Variants in HAL observed in about 807,000 individuals in gnomAD.
HAL encodes the protein histidase.
Under a neutral mutation model 81.1 loss-of-function variants are expected in HAL, and 85 were observed. The observed-to-expected ratio is 1.05, with a 90% confidence interval of 0.88 to 1.25. HAL has a LOEUF of 1.25. HAL is among the 50% of genes most tolerant of loss of function. The probability of loss-of-function intolerance (pLI) is 0.00; values close to 1 mark genes in which losing one functional copy is unlikely to be tolerated. For synonymous variants in HAL, 301 were observed against 309.2 expected (o/e 0.97, Z 0.28); for missense variants, 798 against 836.6 (o/e 0.95, Z 0.57).
At position 95,993,371 on chromosome 12, in the gene HAL, T is replaced by C. The variant is rs370579693; in HGVS notation, c.589+80A>G. ...TTGAGAAACTAGCTTTTTGTGACTA[T>C]AACTGGATAACTCACACTGTGCTGT... On this transcript the variant is annotated intron_variant, in intron 8 of 20. Transcript: ENST00000261208. The C allele has an allele frequency of 1.7e-5, 16 of 925,842 alleles. No individual in the cohort carries two copies. The African/African-American group carries it at 2.4e-4, about 14-fold the overall frequency. 57.4% of individuals were successfully genotyped at this position (925,842 alleles called of 1,614,324 possible). A position where few individuals can be genotyped will look rare whatever the true frequency, so the allele number is the denominator to read the frequency against.
chr12:95,996,257 G>T lies in HAL; in HGVS notation c.-261C>A, dbSNP rs1211846267. ...CTGCTGCTGGCCCCCTTTCTTCAGG[G>T]TCCCCAATTTCTCTCTCTTCCCTCG... is the stretch of plus-strand genomic sequence containing the variant. On this transcript the variant is annotated 5_prime_UTR_variant, in exon 1 of 21. Coordinates refer to ENST00000261208, the MANE Select transcript of HAL (RefSeq NM_002108.4). 6.2e-6 allele frequency: 2 copies of T among 324,418 alleles called. No individual in the cohort carries two copies. The allele number at this position is 324,418 out of a possible 1,614,324, so 20.1% of individuals were successfully genotyped here. A position where few individuals can be genotyped will look rare whatever the true frequency, so the allele number is the denominator to read the frequency against.
In HAL at chr12:95,987,125, G is replaced by A. The variant is rs1339658854; in HGVS notation, c.993C>T (p.Asp331=). The A allele has an allele frequency of 1.9e-6, 3 of 1,613,508 alleles. No individual in the cohort carries two copies. Among genetic ancestry groups the A allele is most frequent in the Non-Finnish European group, 2.5e-6 (3 of 1,179,396 alleles). ...CCTCAAGGGTCAGGGCTGCCACAATGTCAGCCTGCCGTGCAATAGCACTGG... is the reference window on the plus strand; with the variant it reads ...CCTCAAGGGTCAGGGCTGCCACAATATCAGCCTGCCGTGCAATAGCACTGG... ...ERASAIARQA[D]IVAALTLEVL... Residue 331 remains aspartate (D), a synonymous_variant, in exon 12 of 21, where the codon GAC becomes GAT. Transcript: ENST00000261208.
intron 17 of HAL, among the ~76,000 whole-genome samples, chr12:95,979,139 A>G (rs960405424): frequency 3.3e-5 from 5 of 152,256 alleles, no homozygotes; most frequent in African/African-American, 1.2e-4. Flanking sequence ...CTCAATAGGC[A>G]GCTTGGGAAA....
At position 95,995,840 on chromosome 12, in the gene HAL, A is replaced by T; in HGVS notation, c.71T>A (p.Val24Glu). Residue 24 changes from valine (V) to glutamate (E), a missense_variant, in exon 2 of 21, where the codon GTG (valine) becomes GAG (glutamate). Coordinates refer to ENST00000261208, the MANE Select transcript of HAL (RefSeq NM_002108.4). The stretch of plus-strand genomic sequence containing the variant: ...CACGGCCTCCCGGCCCAGCCAGCCC[A>T]CAGTGAGCTGCGCGTCCTGGCAGGG... ...AVPCQDAQLTVGWLGREAVRR... is the reference protein window; with the variant it reads ...AVPCQDAQLTEGWLGREAVRR... 1 of 1,611,306 alleles carries T rather than the reference A, an allele frequency of 6.2e-7. No homozygotes were observed. Among genetic ancestry groups the T allele is most frequent in the South Asian group, 1.1e-5 (1 of 91,086 alleles).
chr12:95,992,821 G>T lies in HAL; in HGVS notation c.590-16C>A. The stretch of plus-strand genomic sequence containing the variant: ...TTCCCAACACCTGCAAAACAGAATT[G>T]ATGTTTTCTCCAAGAAAAGCAAACT... On this transcript the variant is annotated splice_polypyrimidine_tract_variant and intron_variant, in intron 8 of 20. Coordinates refer to ENST00000261208, the MANE Select transcript of HAL (RefSeq NM_002108.4). The T allele has an allele frequency of 6.2e-7, 1 of 1,610,822 alleles. No individual in the cohort carries two copies. The highest frequency in any genetic ancestry group is 8.5e-7 in the Non-Finnish European group (1 of 1,177,376).
At chr12:95,981,537 C>T (rs1401184173) in intron 15 of HAL, among the ~76,000 whole-genome samples, 2 of 152,192 alleles carry the variant, frequency 1.3e-5, no homozygotes, top group East Asian at 1.9e-4. Context: ...CGGCTCACTG[C>T]GACCTCTGCC....
chr12:95,993,414 A>T (rs1327765702), intron 8 of HAL, 37 bp downstream of exon 8: 1 of 1,382,856 alleles, frequency 7.2e-7, no homozygotes, highest in Admixed American at 1.7e-5. Flanking sequence ...TCATCTAATC[A>T]CACAAGATCC....
chr12:95,974,477 A>G (rs2068662), intron 20 of HAL, 105 bp from the exon 21 acceptor site: 78,838 of 972,824 alleles, frequency 0.081, 5,655 homozygotes, highest in African/African-American at 0.32. Flanking sequence ...ATACATGACC[A>G]GACACAGCTG....
At position 95,994,779 on chromosome 12, in the gene HAL, A is replaced by C. The variant is rs780475129; in HGVS notation, c.336+19T>G. ...GGGCCTTAATTTTCTGAAGAAAAAG[A>C]AAGTGGTTTGAAGCTTACCTTTTCA... On this transcript the variant is annotated intron_variant, in intron 4 of 20. Transcript: ENST00000261208. 8.1e-6 allele frequency: 13 copies of C among 1,612,182 alleles called. No homozygotes were observed. Among genetic ancestry groups the C allele is most frequent in the Non-Finnish European group, 1.1e-5 (13 of 1,178,314 alleles).
intron 10 of HAL, chr12:95,990,007 T>A (rs1196968251): frequency 3.6e-6 from 1 of 276,024 alleles, no homozygotes. Flanking sequence ...TGAAACCTGC[T>A]TTCCAGAAGC....
chr12:95,994,787 T>C lies in HAL; in HGVS notation c.336+11A>G. 1 of 1,613,360 alleles carries C rather than the reference T, an allele frequency of 6.2e-7. No individual in the cohort carries two copies. Among genetic ancestry groups the C allele is most frequent in the Non-Finnish European group, 8.5e-7 (1 of 1,179,266 alleles). On this transcript the variant is annotated intron_variant, in intron 4 of 20. Coordinates refer to ENST00000261208, the MANE Select transcript of HAL (RefSeq NM_002108.4). Reference sequence around the variant, plus strand: ...ATTTTCTGAAGAAAAAGAAAGTGGTTTGAAGCTTACCTTTTCAGGCTCCCG... The same window carrying C: ...ATTTTCTGAAGAAAAAGAAAGTGGTCTGAAGCTTACCTTTTCAGGCTCCCG...
At chr12:95,976,569 G>C (rs923004759) in intron 19 of HAL, 29 bp downstream of exon 19, 1 of 1,589,288 alleles carries the variant, frequency 6.3e-7, no homozygotes, top group Non-Finnish European at 8.6e-7. Flanking sequence ...CTGAACTGAT[G>C]TAATTTTCAG....
chr12:95,987,453 C>T (rs1949905597), intron 11 of HAL, among the ~76,000 whole-genome samples: 1 of 152,076 alleles, frequency 6.6e-6, no homozygotes, highest in South Asian at 2.1e-4. Flanking sequence ...ATTAAGTATC[C>T]ACATTCCCAA....
chr12:95,976,752 C>T (rs763317860), intron 18 of HAL, 46 bp from the exon 19 acceptor site: 5 of 1,222,938 alleles, frequency 4.1e-6, no homozygotes, highest in Non-Finnish European at 6.0e-6. Context: ...AGTCTGACTT[C>T]ATGCTTAAGG....
intron 17 of HAL, among the ~76,000 whole-genome samples, chr12:95,978,407 T>C (rs1037501063): frequency 6.6e-6 from 1 of 152,076 alleles, no homozygotes; most frequent in Non-Finnish European, 1.5e-5. Flanking sequence ...TGATGGCCAT[T>C]TTCAGGTACT....
In HAL at chr12:95,994,968, A is replaced by G; in HGVS notation, c.273T>C (p.Pro91=). 6.2e-7 allele frequency: 1 copy of G among 1,612,732 alleles called. No homozygotes were observed. Among genetic ancestry groups the G allele is most frequent in the Non-Finnish European group, 8.5e-7 (1 of 1,178,714 alleles). ...EVVIEGDAMS[P]DFIPSQPEGV... is the part of the protein sequence containing the mutation. ...CTTCTGGTTGAGATGGAATGAAGTC[A>G]GGAGACATGGCATCACCCTCTATAA... The change falls in exon 3 of 21, where the codon CCT becomes CCC. Residue 91 remains proline, a synonymous_variant. Coordinates refer to ENST00000261208, the MANE Select transcript of HAL (RefSeq NM_002108.4).
rs2080672740 is a variant in HAL at position 95,973,107 on chromosome 12, C to G, written c.*1125G>C. 6.6e-6 allele frequency: 1 copy of G among 152,196 alleles called. No individual in the cohort carries two copies. The allele number at this position is 152,196 out of a possible 1,614,324, so 9.4% of individuals were successfully genotyped here. On this transcript the variant is annotated 3_prime_UTR_variant, in exon 21 of 21. Transcript: ENST00000261208. Reference sequence around the variant, plus strand: ...GATGGCAATTAGGTAGGCAAGGTGGCAAGTGTGTCTGTCCTCCTCTCCACC... The same window carrying G: ...GATGGCAATTAGGTAGGCAAGGTGGGAAGTGTGTCTGTCCTCCTCTCCACC...
chr12:95,994,705 G>T, intron 4 of HAL, 93 bp downstream of exon 4: 2 of 1,229,002 alleles, frequency 1.6e-6, no homozygotes, highest in South Asian at 1.2e-5. Flanking sequence ...TGTTCTAATT[G>T]ACAGTGTTTT....
rs1455347927 is a variant in HAL at position 95,988,136 on chromosome 12, A to G, written c.903+57T>C. 3.5e-6 allele frequency: 3 copies of G among 858,210 alleles called. No individual in the cohort carries two copies. The Admixed American group carries it at 5.2e-5, about 15-fold the overall frequency. The allele number at this position is 858,210 out of a possible 1,614,324, so 53.2% of individuals were successfully genotyped here. The stretch of plus-strand genomic sequence containing the variant: ...ATTGAGGCTGAGATTAAAACTGAAA[A>G]TACTGCATAAATAAAAACTCATGCA... On this transcript the variant is annotated intron_variant, in intron 11 of 20. Transcript: ENST00000261208.
Sources: gnomAD v4.1 joint callset for allele counts (sites outside exome capture counted in the v4.1 genomes callset) on GRCh38, gnomAD v4.1.1 for gene constraint, MANE v1.5 for transcripts, NCBI Gene and HGNC (gene_info 2026-07-23, HGNC 2026-07-21) for gene names.